HYCC2: variants seen among roughly 807,000 people sequenced by gnomAD.
HYCC2 encodes hyccin PI4KA lipid kinase complex subunit 2.
At chr2:201,046,844 TG>T in the HYCC2 span, among the ~76,000 whole-genome samples, 23 of 152,322 alleles carry the variant, frequency 1.5e-4, no homozygotes, top group Admixed American at 2.6e-4. Context: ...TGATCCCTAC[TG>T]GGAACACTGC....
At chr2:201,003,805 CTTTTTT>C in the HYCC2 span, among the ~76,000 whole-genome samples, 1 of 66,360 alleles carries the variant, frequency 1.5e-5, no homozygotes, top group Admixed American at 2.1e-4. Context: ...GTTGTTGTTG[CTTTTTT>C]TTTTTTTTTT....
At chr2:200,975,382 C>T in the HYCC2 span, 2 of 151,960 alleles carry the variant, frequency 1.3e-5, no homozygotes, top group South Asian at 2.1e-4. Context: ...TACTCAAATA[C>T]AGCAAACCAT....
chr2:201,034,848 C>T, the HYCC2 span, among the ~76,000 whole-genome samples: 2 of 152,150 alleles, frequency 1.3e-5, no homozygotes, highest in Non-Finnish European at 1.5e-5. Flanking sequence ...TTTTATTTCT[C>T]CTTCACTTAT....
At chr2:201,014,596 G>T in the HYCC2 span, among the ~76,000 whole-genome samples, 2 of 152,094 alleles carry the variant, frequency 1.3e-5, no homozygotes, top group African/African-American at 4.8e-5. Flanking sequence ...TAAGTGGCAG[G>T]GCATGGTTCT....
At chr2:201,006,809 C>T in the HYCC2 span, among the ~76,000 whole-genome samples, 30 of 152,036 alleles carry the variant, frequency 2.0e-4, no homozygotes, top group Non-Finnish European at 4.3e-4. Flanking sequence ...TAATATTGGT[C>T]ATATGTATTG....
At chr2:201,059,355 C>T in the HYCC2 span, among the ~76,000 whole-genome samples, 32,978 of 152,050 alleles carry the variant, frequency 0.22, 4,452 homozygotes, top group African/African-American at 0.38. Context: ...ATCTCTTATA[C>T]CTCTCAGAAC....
At chr2:201,022,403 G>T in the HYCC2 span, 1 of 273,644 alleles carries the variant, frequency 3.7e-6, no homozygotes, top group Non-Finnish European at 7.2e-6. Flanking sequence ...ATCATTTTGT[G>T]TTATCAGTTT....
the HYCC2 span, among the ~76,000 whole-genome samples, chr2:201,034,201 GAC>G: frequency 6.6e-6 from 1 of 152,076 alleles, no homozygotes; most frequent in African/African-American, 2.4e-5. Context: ...CTAGTTTTAA[GAC>G]AGTAATTTAT....
At chr2:200,985,956 T>C in the HYCC2 span, among the ~76,000 whole-genome samples, 2 of 152,240 alleles carry the variant, frequency 1.3e-5, no homozygotes, top group African/African-American at 4.8e-5. Flanking sequence ...ATATTTAGCA[T>C]AAATACTTCC....
chr2:200,981,461 T>A, the HYCC2 span: 1 of 1,614,204 alleles, frequency 6.2e-7, no homozygotes. The surrounding 1 kb of genome is among the most constrained non-coding windows in gnomAD (Gnocchi z 4.5). Context: ...ACCCCAATGC[T>A]GGTACTTGCT....
the HYCC2 span, chr2:200,977,216 T>G: frequency 2.0e-5 from 3 of 152,204 alleles, no homozygotes; most frequent in African/African-American, 7.2e-5. Context: ...ATTCACCAAC[T>G]ACTAGACCAG....
the HYCC2 span, among the ~76,000 whole-genome samples, chr2:201,038,680 G>A: frequency 2.6e-5 from 4 of 152,098 alleles, no homozygotes; most frequent in South Asian, 2.1e-4. Flanking sequence ...ACTCATAGGT[G>A]GGAATTGGAA....
chr2:201,015,225 A>G, the HYCC2 span, among the ~76,000 whole-genome samples: 34,829 of 152,124 alleles, frequency 0.23, 4,786 homozygotes, highest in African/African-American at 0.38. Flanking sequence ...AAGGTGCAAC[A>G]CAGATGATCC....
chr2:201,071,094 G>A, the HYCC2 span, among the ~76,000 whole-genome samples: 2 of 152,190 alleles, frequency 1.3e-5, no homozygotes, highest in Non-Finnish European at 2.9e-5. Context: ...CTAGTTGTTT[G>A]GGTAAATAAC....
At chr2:200,999,361 A>G in the HYCC2 span, among the ~76,000 whole-genome samples, 1 of 152,014 alleles carries the variant, frequency 6.6e-6, no homozygotes, top group East Asian at 1.9e-4. Context: ...ACATGGTCAG[A>G]GCTTCTCATT....
chr2:201,044,045 T>C, the HYCC2 span, among the ~76,000 whole-genome samples: 1 of 152,138 alleles, frequency 6.6e-6, no homozygotes, highest in Admixed American at 6.5e-5. Flanking sequence ...TATCTAACCA[T>C]AAAATATAAA....
chr2:200,998,339 T>C, the HYCC2 span, among the ~76,000 whole-genome samples: 7 of 152,338 alleles, frequency 4.6e-5, no homozygotes, highest in Admixed American at 2.6e-4. Context: ...TATGCTTTTT[T>C]ACTTGGGTGA....
chr2:201,017,135 G>C, the HYCC2 span: 4 of 1,613,440 alleles, frequency 2.5e-6, no homozygotes, highest in African/African-American at 2.7e-5. Context: ...AGCTACGATA[G>C]AGCTCAAACA....
the HYCC2 span, chr2:201,022,083 G>A: frequency 3.9e-6 from 5 of 1,289,686 alleles, no homozygotes; most frequent in Middle Eastern, 2.1e-4. Flanking sequence ...ACTCACTCCA[G>A]TACACAGCAG....
Sources: gnomAD v4.1 joint callset for allele counts (sites outside exome capture counted in the v4.1 genomes callset) on GRCh38, gnomAD v4.1.1 for gene constraint, Gnocchi (gnomAD v3.1) non-coding constraint, MANE v1.5 for transcripts, NCBI Gene and HGNC (gene_info 2026-07-23, HGNC 2026-07-21) for gene names.